Variants in DICER1 observed in about 807,000 individuals in gnomAD.
DICER1 encodes dicer 1, ribonuclease III.
DICER1 carries 43 observed loss-of-function variants against 194.1 expected under a neutral mutation model. The observed-to-expected ratio is 0.22, with a 90% CI of 0.17 to 0.29. The LOEUF is 0.29. DICER1 is among the 10% of genes least tolerant of loss of function. The probability of loss-of-function intolerance (pLI) is 1.00; values close to 1 mark genes in which losing one functional copy is unlikely to be tolerated. For missense variants in DICER1, 1,608 were observed against 2,317.0 expected (o/e 0.69, Z 6.28); for synonymous variants, 832 against 820.5 (o/e 1.01, Z -0.24).
chr14:95,142,154 C>T (rs1595491844), intron 1 of DICER1, among the ~76,000 whole-genome samples: 1 of 151,790 alleles, frequency 6.6e-6, no homozygotes, highest in Non-Finnish European at 1.5e-5. Context: ...GCTGGGGCCA[C>T]CCCATGTTTC....
Position 95,114,826 on chromosome 14 carries a change from A to G in DICER1, c.1907+841T>C, listed in dbSNP as rs368220175. Reference sequence around the variant, plus strand: ...GTGATGTGCTGCCCAAAAATTTGTAACCTGGGTCTCATCATAAGAAAATAG... The same window carrying G: ...GTGATGTGCTGCCCAAAAATTTGTAGCCTGGGTCTCATCATAAGAAAATAG... On this transcript the variant is annotated intron_variant, in intron 11 of 26. Transcript: ENST00000343455. Among the ~76,000 whole-genome samples, 3 of 152,266 alleles carry G rather than the reference A, an allele frequency of 2.0e-5. No homozygotes were observed. The East Asian group carries it at 5.8e-4, about 29-fold the overall frequency.
chr14:95,142,210 G>A (rs976930680), intron 1 of DICER1, among the ~76,000 whole-genome samples: 1 of 151,568 alleles, frequency 6.6e-6, no homozygotes, highest in African/African-American at 2.4e-5. Context: ...CTCCCACCGT[G>A]GCCTCCCAAA....
rs1413356487 is a variant in DICER1, at chr14:95,124,108, C to CT, written c.1376+87dup. ...CAAGGACACTTACATAACCCTCATG[C>CT]TAGCTCTTACAGCTGCTGCAGCGCA... On this transcript the variant is annotated intron_variant, in intron 8 of 26. Transcript: ENST00000343455. This position sits in a 1 kb window ranked among gnomAD's most constrained non-coding sequence, Gnocchi z 4.5. The CT allele has an allele frequency of 1.0e-6, 1 of 953,718 alleles. No homozygotes were observed. The highest frequency in any genetic ancestry group is 1.7e-6 in the Non-Finnish European group (1 of 602,342). The allele number at this position is 953,718 out of a possible 1,614,324, so 59.1% of individuals were successfully genotyped here.
chr14:95,108,562 T>C (rs1891671332), intron 14 of DICER1, 59 bp from the exon 15 acceptor site: 3 of 1,480,502 alleles, frequency 2.0e-6, no homozygotes, highest in Non-Finnish European at 1.9e-6. Context: ...CTTTTCCAGA[T>C]GTCAGCAAGA....
chr14:95,118,687 G>A (rs760332526), intron 8 of DICER1, among the ~76,000 whole-genome samples: 9 of 152,108 alleles, frequency 5.9e-5, no homozygotes, highest in Non-Finnish European at 1.2e-4. Flanking sequence ...CTCAGCACAC[G>A]GGATAAATGG....
chr14:95,149,044 C>A (rs1224603872), intron 1 of DICER1, among the ~76,000 whole-genome samples: 1 of 152,128 alleles, frequency 6.6e-6, no homozygotes, highest in Non-Finnish European at 1.5e-5. Flanking sequence ...CCATCTCAGC[C>A]TCCTGAGCAG....
At chr14:95,126,388 TAA>T (rs1490174629) in intron 7 of DICER1, among the ~76,000 whole-genome samples, 190 bp downstream of exon 7, 1 of 152,230 alleles carries the variant, frequency 6.6e-6, no homozygotes, top group Non-Finnish European at 1.5e-5. Context: ...AGTCTACACT[TAA>T]TATAAATGTG....
chr14:95,115,543 G>T, intron 11 of DICER1, 124 bp downstream of exon 11: 1 of 1,078,124 alleles, frequency 9.3e-7, no homozygotes, highest in Non-Finnish European at 1.4e-6. Flanking sequence ...TTTCTTTATC[G>T]AAAATATGGC....
chr14:95,095,771 A>T (rs771046416), intron 23 of DICER1, 54 bp downstream of exon 23: 1 of 1,591,718 alleles, frequency 6.3e-7, no homozygotes, highest in East Asian at 2.2e-5. Context: ...ACACGATGAG[A>T]TCAACACAAA....
rs2140122574 is a variant in DICER1, at chr14:95,116,452, C to T, written c.1752+1G>A. ...GGCACATGTTAATATGTTGATCTTA[C>T]CTTTTCAATAGCTTTGTAGGTTTTA... On this transcript the variant is annotated splice_donor_variant, in intron 10 of 26. Transcript: ENST00000343455. LOFTEE classifies it high-confidence loss of function. 2 of 1,610,740 alleles carry T rather than the reference C, an allele frequency of 1.2e-6. No homozygotes were observed. Among genetic ancestry groups the T allele is most frequent in the Non-Finnish European group, 1.7e-6 (2 of 1,179,840 alleles).
chr14:95,146,286 T>C (rs1895129462), intron 1 of DICER1, among the ~76,000 whole-genome samples: 1 of 152,240 alleles, frequency 6.6e-6, no homozygotes. Context: ...CACACTTTCC[T>C]CTGATTGATC....
At chr14:95,100,082 T>G (rs1890743454) in intron 21 of DICER1, 147 bp from the exon 22 acceptor site, 2 of 838,396 alleles carry the variant, frequency 2.4e-6, no homozygotes, top group Non-Finnish European at 1.8e-6. Context: ...TCTACAGTTT[T>G]TCTACCCATT....
Position 95,096,694 on chromosome 14 carries a change from G to C in DICER1, c.4226C>G (p.Ala1409Gly), listed in dbSNP as rs776416084. 2.5e-6 allele frequency: 4 copies of C among 1,609,852 alleles called. No individual in the cohort carries two copies. In the African/African-American group the frequency reaches 5.4e-5, roughly 22 times the overall value. The change falls in exon 23 of 27, where the codon GCG (alanine) becomes GGG (glycine). Residue 1409 changes from alanine to glycine, a missense_variant. Coordinates refer to ENST00000343455, the MANE Select transcript of DICER1 (RefSeq NM_177438.3). Reference protein sequence around the residue: ...KDEMTKDCMLANGKLDEDYEE... With the variant: ...KDEMTKDCMLGNGKLDEDYEE... ...GTAATCCTCATCCAGTTTGCCATTC[G>C]CCAGCATGCAGTCTTTTGTCTGAAA...
At chr14:95,123,434 A>G (rs1893113804) in intron 8 of DICER1, among the ~76,000 whole-genome samples, 1 of 152,104 alleles carries the variant, frequency 6.6e-6, no homozygotes, top group Non-Finnish European at 1.5e-5. Context: ...TGAAAACTTT[A>G]TTTTTGGAGA....
At chr14:95,117,498 G>A (rs1892578896) in intron 9 of DICER1, 124 bp downstream of exon 9, 4 of 1,016,658 alleles carry the variant, frequency 3.9e-6, no homozygotes, top group Non-Finnish European at 6.1e-6. Flanking sequence ...ATATGAAGAA[G>A]TATTCTATAA....
rs2140286358 is a variant in DICER1 at position 95,132,443 on chromosome 14, C to T, written c.307+72G>A. 4.0e-6 allele frequency: 6 copies of T among 1,501,114 alleles called. No individual in the cohort carries two copies. The South Asian group carries it at 5.7e-5, about 14-fold the overall frequency. 93.0% of individuals were successfully genotyped at this position (1,501,114 alleles called of 1,614,324 possible). Reference sequence around the variant, plus strand: ...CTTCAATAATTTAACTTAAGAAACACAGAAAATCTGTTTAAACATAAAATC... The same window carrying T: ...CTTCAATAATTTAACTTAAGAAACATAGAAAATCTGTTTAAACATAAAATC... On this transcript the variant is annotated intron_variant, in intron 3 of 26. Coordinates refer to ENST00000343455, the MANE Select transcript of DICER1 (RefSeq NM_177438.3).
intron 11 of DICER1, 118 bp downstream of exon 11, chr14:95,115,549 A>T (rs751485172): frequency 5.3e-5 from 59 of 1,104,160 alleles, no homozygotes; most frequent in Non-Finnish European, 7.0e-5. Flanking sequence ...TATCGAAAAT[A>T]TGGCAAGTCT....
chr14:95,106,276 A>G (rs1891421685), intron 17 of DICER1, 53 bp from the exon 18 acceptor site: 4 of 1,322,232 alleles, frequency 3.0e-6, no homozygotes, highest in Admixed American at 1.7e-5. Flanking sequence ...TAAATCAACT[A>G]TTCTCAAAAT....
intron 6 of DICER1, chr14:95,129,128 T>C: frequency 4.6e-6 from 1 of 215,398 alleles, no homozygotes; most frequent in East Asian, 9.6e-5. Context: ...GAAAGCATCA[T>C]GTAAGACATT....
Sources: allele counts gnomAD v4.1 joint callset (sites outside exome capture counted in the v4.1 genomes callset), GRCh38; gene constraint gnomAD v4.1.1; non-coding constraint Gnocchi (gnomAD v3.1); transcripts MANE v1.5; gene names NCBI Gene and HGNC (gene_info 2026-07-23, HGNC 2026-07-21).